Variants in SNW1 observed in about 807,000 individuals in gnomAD.
SNW1 encodes the protein SNW domain containing 1, also known as SNW domain-containing protein 1.
Under a neutral mutation model 75.6 loss-of-function variants are expected in SNW1, and 9 were observed. The observed-to-expected ratio is 0.12, with a 90% CI of 0.07 to 0.21. SNW1 has a LOEUF of 0.21. Ranked by LOEUF, SNW1 falls within the 10% of genes least tolerant of loss-of-function variation. SNW1 has a pLI of 1.00. For missense variants in SNW1, 409 were observed against 670.9 expected, an observed-to-expected ratio of 0.61 and a Z score of 4.31; for synonymous variants, 200 against 219.1, an observed-to-expected ratio of 0.91 and a Z score of 0.77.
At chr14:77,721,647 TAA>T (rs1398729451) in intron 11 of SNW1, among the ~76,000 whole-genome samples, 16 of 151,790 alleles carry the variant, frequency 1.1e-4, no homozygotes, top group African/African-American at 3.7e-4. Context: ...CTCTCAAGAG[TAA>T]GAGTCTTTGC....
chr14:77,748,097 A>G (rs1254260062), intron 3 of SNW1, among the ~76,000 whole-genome samples: 1 of 152,232 alleles, frequency 6.6e-6, no homozygotes, highest in Non-Finnish European at 1.5e-5. Flanking sequence ...GATGCTGTTA[A>G]TCATAACCTT....
chr14:77,748,822 C>T (rs554844822), intron 3 of SNW1, among the ~76,000 whole-genome samples: 38 of 152,132 alleles, frequency 2.5e-4, no homozygotes, highest in African/African-American at 9.2e-4. Context: ...CTCCTGACCT[C>T]GTGATCCACC....
chr14:77,736,822 C>A, intron 6 of SNW1, 149 bp downstream of exon 6: 1 of 581,374 alleles, frequency 1.7e-6, no homozygotes, highest in Non-Finnish European at 3.1e-6. Flanking sequence ...CTTTCTGTAA[C>A]TATAGGTTAG....
intron 1 of SNW1, among the ~76,000 whole-genome samples, chr14:77,757,919 CATCTATCTATCT>C (rs71128671): frequency 0.011 from 1,611 of 147,680 alleles, 21 homozygotes; most frequent in African/African-American, 0.037. Context: ...TCAATCTAAT[CATCTATCTATCT>C]ATCTATCTAT....
At chr14:77,750,196 G>A (rs980588318) in intron 3 of SNW1, among the ~76,000 whole-genome samples, 15 of 152,056 alleles carry the variant, frequency 9.9e-5, no homozygotes, top group Non-Finnish European at 2.1e-4. Context: ...ACAAGACCCT[G>A]TCTCAAAAAA....
At chr14:77,740,794 C>T (rs544489427) in intron 3 of SNW1, among the ~76,000 whole-genome samples, 3 of 152,122 alleles carry the variant, frequency 2.0e-5, no homozygotes, top group Admixed American at 1.3e-4. Flanking sequence ...ATCTGTCTCC[C>T]GTATTAAAAC....
chr14:77,722,307 T>C (rs1386026172), intron 11 of SNW1, among the ~76,000 whole-genome samples: 5 of 152,022 alleles, frequency 3.3e-5, no homozygotes. Context: ...ACGTTTATAC[T>C]TACTAAGAGT....
intron 11 of SNW1, 33 bp from the exon 12 acceptor site, chr14:77,720,861 CTCTT>C (rs983310749): frequency 9.6e-6 from 13 of 1,356,192 alleles, no homozygotes; most frequent in Non-Finnish European, 1.3e-5. Flanking sequence ...TAACTGAAAA[CTCTT>C]TATAGACAAG....
chr14:77,745,207 T>C (rs2139921452), intron 3 of SNW1, among the ~76,000 whole-genome samples: 1 of 152,266 alleles, frequency 6.6e-6, no homozygotes, highest in South Asian at 2.1e-4. Flanking sequence ...GGACACTCAG[T>C]CTAGCCAGGG....
intron 12 of SNW1, among the ~76,000 whole-genome samples, chr14:77,719,950 CCCGCGTGTGTT>C (rs2080525691): frequency 6.6e-6 from 1 of 152,236 alleles, no homozygotes; most frequent in East Asian, 1.9e-4. Context: ...TGCGCATGCG[CCCGCGTGTGTT>C]TTCCCAGGCT....
intron 10 of SNW1, among the ~76,000 whole-genome samples, chr14:77,728,843 C>CA (rs1413190482): frequency 7.2e-5 from 11 of 152,338 alleles, no homozygotes; most frequent in Admixed American, 7.2e-4. Flanking sequence ...ATAAAGTACT[C>CA]AGAGTGGTGC....
At chr14:77,729,820 T>C (rs1350431246) in intron 10 of SNW1, among the ~76,000 whole-genome samples, 7 of 152,196 alleles carry the variant, frequency 4.6e-5, no homozygotes, top group African/African-American at 1.7e-4. Flanking sequence ...TGTACCTCAA[T>C]AAAGCTGGAA....
At chr14:77,737,103 T>C in intron 5 of SNW1, 28 bp from the exon 6 acceptor site, 1 of 1,492,944 alleles carries the variant, frequency 6.7e-7, no homozygotes, top group Non-Finnish European at 9.3e-7. Flanking sequence ...AAACTAAAGG[T>C]GTAATTAGTT....
chr14:77,747,721 C>T (rs1184964674), intron 3 of SNW1, among the ~76,000 whole-genome samples: 1 of 146,810 alleles, frequency 6.8e-6, no homozygotes, highest in Admixed American at 6.7e-5. Flanking sequence ...GCAGCCCCCG[C>T]CCCGGCAGCC....
chr14:77,717,975 G>A lies in SNW1; in HGVS notation c.*113C>T. The stretch of plus-strand genomic sequence containing the variant: ...CTCCAGTAATAAAAAGTAGTGCTGG[G>A]ATCTGGCACCCAGATTTGGTTTTTA... On this transcript the variant is annotated 3_prime_UTR_variant, in exon 14 of 14. Transcript: ENST00000261531. 5 of 904,478 alleles carry A rather than the reference G, an allele frequency of 5.5e-6. No individual in the cohort carries two copies. Among genetic ancestry groups the A allele is most frequent in the Non-Finnish European group, 8.4e-6 (5 of 597,538 alleles). 56.0% of individuals were successfully genotyped at this position (904,478 alleles called of 1,614,324 possible). A position where few individuals can be genotyped will look rare whatever the true frequency, so the allele number is the denominator to read the frequency against.
In SNW1 at chr14:77,751,466, T is replaced by TC; in HGVS notation, c.182dup (p.Gly62ArgfsTer32). On this transcript the variant is annotated frameshift_variant, in exon 3 of 14. Transcript: ENST00000261531. LOFTEE classifies it high-confidence loss of function. ...CCACATGGATCTCTGGAAAAGCACCTCCATCTCCAAAATCCTACACATTAG... is the reference window on the plus strand; with the variant it reads ...CCACATGGATCTCTGGAAAAGCACCTCCCATCTCCAAAATCCTACACATTAG... The TC allele has an allele frequency of 6.2e-7, 1 of 1,606,924 alleles. No individual in the cohort carries two copies. Among genetic ancestry groups the TC allele is most frequent in the Non-Finnish European group, 8.5e-7 (1 of 1,177,678 alleles).
chr14:77,731,011 C>G lies in SNW1; in HGVS notation c.1010G>C (p.Gly337Ala). 6.2e-7 allele frequency: 1 copy of G among 1,613,796 alleles called. No homozygotes were observed. Among genetic ancestry groups the G allele is most frequent in the Non-Finnish European group, 8.5e-7 (1 of 1,179,942 alleles). ...ACCTTTTTCCACATGAGTTTTGATC[C>G]CAGCTCTTCTCTCCCTGGCTTTCTG... ...MAQKARERRA[G>A]IKTHVEKEDG... Residue 337 changes from glycine to alanine, a missense_variant, in exon 10 of 14, where the codon GGG becomes GCG. Physicochemically the swap from Gly to Ala is moderately conservative, Grantham distance 60 (BLOSUM62 0). Coordinates refer to ENST00000261531, the MANE Select transcript of SNW1 (RefSeq NM_012245.3).
At chr14:77,723,099 G>A in intron 11 of SNW1, 82 bp downstream of exon 11, 1 of 1,035,922 alleles carries the variant, frequency 9.7e-7, no homozygotes, top group Non-Finnish European at 1.5e-6. Context: ...CGCCCGCATT[G>A]GCCTCCCAAA....
chr14:77,748,285 G>A (rs866973147), intron 3 of SNW1, among the ~76,000 whole-genome samples: 2 of 152,012 alleles, frequency 1.3e-5, no homozygotes, highest in South Asian at 4.2e-4. Flanking sequence ...AAGGCCGCAG[G>A]GTCCTCTGCC....
Sources: gnomAD v4.1 joint callset for allele counts (sites outside exome capture counted in the v4.1 genomes callset) on GRCh38, gnomAD v4.1.1 for gene constraint, MANE v1.5 for transcripts, NCBI Gene and HGNC (gene_info 2026-07-23, HGNC 2026-07-21) for gene names.